SNX25: variants seen among roughly 807,000 people sequenced by gnomAD.
The protein encoded by SNX25 is sorting nexin-25.
Under a neutral mutation model 113.7 loss-of-function variants are expected in SNX25, and 62 were observed. The ratio of observed to expected loss-of-function variants is 0.55; its 90% CI spans 0.44 to 0.67. SNX25 has a LOEUF of 0.67. SNX25 is among the 30% of genes least tolerant of loss of function. The pLI, the probability that SNX25 is intolerant of heterozygous loss-of-function variation, is 0.00. For synonymous variants in SNX25, 421 were observed against 436.2 expected (o/e 0.97, Z 0.43); for missense variants, 1,014 against 1,161.0 (o/e 0.87, Z 1.84).
chr4:185,222,177 C>T (rs1740014280), intron 1 of SNX25, among the ~76,000 whole-genome samples: 1 of 151,460 alleles, frequency 6.6e-6, no homozygotes, highest in Non-Finnish European at 1.5e-5. Context: ...ACCCCTCCTT[C>T]ATGGTAGGTA....
At chr4:185,285,849 T>G (rs934167829) in intron 5 of SNX25, among the ~76,000 whole-genome samples, 1 of 152,132 alleles carries the variant, frequency 6.6e-6, no homozygotes, top group Non-Finnish European at 1.5e-5. Flanking sequence ...CATAGCTCAC[T>G]GCAACCTCAA....
intron 1 of SNX25, among the ~76,000 whole-genome samples, chr4:185,228,705 C>G (rs900722108): frequency 7.9e-5 from 12 of 151,910 alleles, no homozygotes; most frequent in African/African-American, 2.9e-4. Flanking sequence ...TGTGCCTGTA[C>G]AGGGTAATTT....
intron 5 of SNX25, among the ~76,000 whole-genome samples, chr4:185,270,217 A>G (rs868552542): frequency 6.6e-6 from 1 of 152,162 alleles, no homozygotes; most frequent in African/African-American, 2.4e-5. Flanking sequence ...TATGGTGTAC[A>G]CTGCCCCAGG....
At chr4:185,278,256 A>G (rs532859354) in intron 5 of SNX25, among the ~76,000 whole-genome samples, 154 of 152,332 alleles carry the variant, frequency 1.0e-3, no homozygotes, top group African/African-American at 3.6e-3. Flanking sequence ...AGGACGGTTA[A>G]CAATGCAAGT....
intron 5 of SNX25, among the ~76,000 whole-genome samples, chr4:185,271,907 C>T (rs929891543): frequency 1.2e-4 from 19 of 152,240 alleles, no homozygotes; most frequent in Admixed American, 1.0e-3. Context: ...AGTGCTTTCA[C>T]AGTAGAACTA....
intron 2 of SNX25, among the ~76,000 whole-genome samples, chr4:185,251,222 T>C (rs917659692): frequency 2.0e-5 from 3 of 152,196 alleles, no homozygotes; most frequent in African/African-American, 7.2e-5. Flanking sequence ...CTCTAACTCC[T>C]GACCTCAAGT....
At chr4:185,262,239 T>C (rs1747430007) in intron 3 of SNX25, among the ~76,000 whole-genome samples, 1 of 152,236 alleles carries the variant, frequency 6.6e-6, no homozygotes, top group African/African-American at 2.4e-5. Context: ...TGTGTTTATT[T>C]CTAGGCCATC....
At chr4:185,292,839 C>T (rs546342063) in intron 6 of SNX25, among the ~76,000 whole-genome samples, 2 of 152,248 alleles carry the variant, frequency 1.3e-5, no homozygotes, top group African/African-American at 4.8e-5. Context: ...TGCTTGAGCC[C>T]AGGAGGTCAA....
At position 185,283,391 on chromosome 4, in the gene SNX25, G is replaced by A. The variant is rs990966713; in HGVS notation, c.1092-4621G>A. On this transcript the variant is annotated intron_variant, in intron 5 of 18. Transcript: ENST00000652585. ...AGCAGATAAGGGGAAGTGATGGTGT[G>A]CAGGAAGAAACAGGAGTACTGTTAA... is the stretch of plus-strand genomic sequence containing the variant. 5.3e-5 allele frequency among the ~76,000 whole-genome samples: 8 copies of A among 152,240 alleles called. No individual in the cohort carries two copies. In the East Asian group the frequency reaches 1.4e-3, roughly 26 times the overall value.
chr4:185,229,923 G>T (rs1741579908), intron 1 of SNX25, among the ~76,000 whole-genome samples: 1 of 152,054 alleles, frequency 6.6e-6, no homozygotes, highest in East Asian at 1.9e-4. Flanking sequence ...CGACTACCTG[G>T]GCTCAGGTGA....
chr4:185,299,186 T>C (rs1255659969), intron 6 of SNX25, among the ~76,000 whole-genome samples: 1 of 152,196 alleles, frequency 6.6e-6, no homozygotes, highest in African/African-American at 2.4e-5. Context: ...TCATTCCCTC[T>C]GGGCTTGTCA....
At chr4:185,274,868 A>C (rs535185709) in intron 5 of SNX25, among the ~76,000 whole-genome samples, 1 of 152,322 alleles carries the variant, frequency 6.6e-6, no homozygotes, top group South Asian at 2.1e-4. Context: ...ATAGATAATA[A>C]ACAACAGAGC....
chr4:185,287,788 G>C (rs562665802), intron 5 of SNX25, among the ~76,000 whole-genome samples: 2 of 149,788 alleles, frequency 1.3e-5, no homozygotes, highest in African/African-American at 4.9e-5. Flanking sequence ...GTGGAAGTGA[G>C]GAGGCTCCTG....
chr4:185,335,142 A>G (rs2126711716), intron 10 of SNX25, among the ~76,000 whole-genome samples: 1 of 152,258 alleles, frequency 6.6e-6, no homozygotes, highest in South Asian at 2.1e-4. Context: ...CAATGTGGTA[A>G]AACCCCGCCT....
Position 185,351,528 on chromosome 4 carries a change from C to T in SNX25, c.2385C>T (p.Ile795=), listed in dbSNP as rs1349699772. The T allele has an allele frequency of 8.1e-6, 13 of 1,614,078 alleles. No homozygotes were observed. Among genetic ancestry groups the T allele is most frequent in the South Asian group, 2.2e-5 (2 of 91,074 alleles). ...LSPSPDYLKV[I]DVQGKKNSFS... ...CTTCTCCTGACTACCTCAAGGTTAT[C>T]GACGTGCAGGGGAAAAAAAATTCTT... The change falls in exon 14 of 19, where the codon ATC becomes ATT. Residue 795 remains isoleucine, a synonymous_variant. Transcript: ENST00000652585.
intron 10 of SNX25, among the ~76,000 whole-genome samples, chr4:185,337,024 G>A (rs1000262850): frequency 9.2e-5 from 14 of 151,686 alleles, no homozygotes; most frequent in African/African-American, 3.1e-4. Context: ...TTTTTTTCTT[G>A]CTAATTTGTT....
chr4:185,335,164 A>G (rs1259903032), intron 10 of SNX25, among the ~76,000 whole-genome samples: 1 of 152,100 alleles, frequency 6.6e-6, no homozygotes, highest in Admixed American at 6.5e-5. Context: ...TACTAAAAAT[A>G]TAACAATTAG....
Position 185,290,035 on chromosome 4 carries a change from G to A in SNX25, c.1162+1953G>A, listed in dbSNP as rs372279437. 3.7e-4 allele frequency among the ~76,000 whole-genome samples: 56 copies of A among 152,266 alleles called. 1 individual carries two copies. The East Asian group carries it at 0.01, about 27-fold the overall frequency. ...CTGCAGATGGCCATCTTCTCCATGT[G>A]TCTTCACATTGTCCTTCTTTTGTAC... is the stretch of plus-strand genomic sequence containing the variant. On this transcript the variant is annotated intron_variant, in intron 6 of 18. Coordinates refer to ENST00000652585, the MANE Select transcript of SNX25 (RefSeq NM_001378034.2).
chr4:185,244,593 G>C, intron 1 of SNX25, among the ~76,000 whole-genome samples: 1 of 151,844 alleles, frequency 6.6e-6, no homozygotes. Flanking sequence ...ATTTCATAGA[G>C]AGCTACCCAG....
Sources: gnomAD v4.1 joint callset for allele counts (sites outside exome capture counted in the v4.1 genomes callset) on GRCh38, gnomAD v4.1.1 for gene constraint, MANE v1.5 for transcripts, NCBI Gene and HGNC (gene_info 2026-07-23, HGNC 2026-07-21) for gene names.